Variants in WWOX observed in about 807,000 individuals in gnomAD.
The protein encoded by WWOX is WW domain-containing oxidoreductase.
Under a neutral mutation model 46.2 loss-of-function variants are expected in WWOX, and 69 were observed. The observed-to-expected ratio is 1.49, with a 90% CI of 1.23 to 1.82. The LOEUF is 1.82. WWOX is among the 40% of genes most tolerant of loss of function. The probability of loss-of-function intolerance (pLI) is 0.00; values close to 1 mark genes in which losing one functional copy is unlikely to be tolerated. For missense variants in WWOX, 919 were observed against 542.6 expected, an observed-to-expected ratio of 1.69 and a Z score of -6.89; for synonymous variants, 359 against 202.6, an observed-to-expected ratio of 1.77 and a Z score of -6.56.
intron 4 of WWOX, among the ~76,000 whole-genome samples, chr16:78,133,022 C>G (rs188252325): frequency 6.6e-6 from 1 of 152,200 alleles, no homozygotes; most frequent in East Asian, 1.9e-4. Context: ...TTTGGATCTA[C>G]AAATTCCAAG....
chr16:78,395,879 T>G (rs915097570), intron 6 of WWOX, among the ~76,000 whole-genome samples: 13 of 152,210 alleles, frequency 8.5e-5, no homozygotes, highest in Non-Finnish European at 1.5e-4. Flanking sequence ...AGATTCCATT[T>G]TCTTTGACAT....
At chr16:79,126,476 G>A (rs1281048312) in intron 8 of WWOX, among the ~76,000 whole-genome samples, 1 of 152,148 alleles carries the variant, frequency 6.6e-6, no homozygotes, top group Non-Finnish European at 1.5e-5. Context: ...GGCTTTGTAA[G>A]TGTTTGGTAG....
rs544036489 is a variant in WWOX, at chr16:78,224,255, G to A, written c.516+59966G>A. 4.9e-4 allele frequency among the ~76,000 whole-genome samples: 75 copies of A among 152,026 alleles called. 2 individuals carry two copies. Among genetic ancestry groups the A allele is most frequent in the Non-Finnish European group, 2.4e-4 (16 of 67,976 alleles). On this transcript the variant is annotated intron_variant, in intron 5 of 8. Coordinates refer to ENST00000566780, the MANE Select transcript of WWOX (RefSeq NM_016373.4). ...CCTGACCTCGTGATCCGCCTGCCTC[G>A]GCCTCCCAAAGTGCTGGGATTACAG...
At chr16:78,153,629 C>T (rs1047404915) in intron 4 of WWOX, among the ~76,000 whole-genome samples, 1 of 152,080 alleles carries the variant, frequency 6.6e-6, no homozygotes, top group African/African-American at 2.4e-5. Flanking sequence ...GGCTGGAAAT[C>T]ACCATCTCTG....
At chr16:78,206,425 C>G (rs1031659878) in intron 5 of WWOX, among the ~76,000 whole-genome samples, 1 of 152,066 alleles carries the variant, frequency 6.6e-6, no homozygotes, top group Admixed American at 6.5e-5. Flanking sequence ...TTTAGGGTTT[C>G]TAAGATTAGG....
At chr16:78,887,468 A>AACACACACAC (rs78503110) in intron 8 of WWOX, among the ~76,000 whole-genome samples, 1 of 135,956 alleles carries the variant, frequency 7.4e-6, no homozygotes, top group African/African-American at 2.9e-5. Context: ...AAGTATATAA[A>AACACACACAC]ACACACACAC....
intron 8 of WWOX, among the ~76,000 whole-genome samples, chr16:78,655,950 C>T (rs766851141): frequency 2.0e-5 from 3 of 152,086 alleles, no homozygotes; most frequent in Non-Finnish European, 4.4e-5. Flanking sequence ...CCACAATGCA[C>T]AGCCTGGGGA....
chr16:78,166,546 T>C (rs915392250), intron 5 of WWOX, among the ~76,000 whole-genome samples: 1 of 151,374 alleles, frequency 6.6e-6, no homozygotes, highest in Non-Finnish European at 1.5e-5. Context: ...TTCTTTTTTC[T>C]TTTTTTTCTT....
intron 8 of WWOX, among the ~76,000 whole-genome samples, chr16:78,815,158 C>T (rs1203394365): frequency 1.3e-5 from 2 of 152,070 alleles, no homozygotes; most frequent in African/African-American, 4.8e-5. Context: ...AAACCCATCT[C>T]TACTAAAAAT....
intron 8 of WWOX, among the ~76,000 whole-genome samples, chr16:78,672,916 C>T (rs1202388574): frequency 2.0e-5 from 3 of 152,324 alleles, no homozygotes; most frequent in South Asian, 2.1e-4. Flanking sequence ...CTGTGCCTTC[C>T]TCCTTCGTCT....
chr16:78,758,756 G>A (rs112921401), intron 8 of WWOX, among the ~76,000 whole-genome samples: 117 of 152,188 alleles, frequency 7.7e-4, no homozygotes, highest in African/African-American at 2.7e-3. Flanking sequence ...ACTCACTGGG[G>A]TGGTGAGAAG....
intron 8 of WWOX, among the ~76,000 whole-genome samples, chr16:78,523,070 C>T (rs1265636104): frequency 1.3e-5 from 2 of 151,762 alleles, no homozygotes; most frequent in African/African-American, 4.8e-5. Context: ...AAACCCATCC[C>T]CCAAAAAAAT....
intron 8 of WWOX, among the ~76,000 whole-genome samples, chr16:79,170,180 A>T (rs962833178): frequency 6.6e-6 from 1 of 152,210 alleles, no homozygotes; most frequent in Non-Finnish European, 1.5e-5. Context: ...TCCAGTGGAA[A>T]TGATTCCCGG....
chr16:78,177,561 A>C (rs998866596), intron 5 of WWOX, among the ~76,000 whole-genome samples: 1 of 152,138 alleles, frequency 6.6e-6, no homozygotes, highest in African/African-American at 2.4e-5. Flanking sequence ...ACAGAGTGTA[A>C]GTAGTTTGTC....
intron 8 of WWOX, among the ~76,000 whole-genome samples, chr16:78,786,243 C>T (rs987998731): frequency 5.9e-5 from 9 of 152,114 alleles, no homozygotes; most frequent in Non-Finnish European, 1.2e-4. Flanking sequence ...TTTCTTAAGT[C>T]GAGACAATCA....
intron 8 of WWOX, among the ~76,000 whole-genome samples, chr16:79,040,316 C>G (rs1490468323): frequency 6.7e-6 from 1 of 149,492 alleles, no homozygotes; most frequent in African/African-American, 2.5e-5. Context: ...ATTCTGTTGC[C>G]CAGACTGGAG....
chr16:78,200,553 T>C (rs1436647341), intron 5 of WWOX, among the ~76,000 whole-genome samples: 2 of 151,116 alleles, frequency 1.3e-5, no homozygotes, highest in East Asian at 1.9e-4. Flanking sequence ...AAATTTTTAA[T>C]ATCATCATTA....
chr16:78,285,290 T>G (rs2079748602), intron 5 of WWOX, among the ~76,000 whole-genome samples: 1 of 151,664 alleles, frequency 6.6e-6, no homozygotes, highest in Admixed American at 6.6e-5. Context: ...GAAAACAAAA[T>G]TAACCGGGCT....
chr16:78,920,724 C>G (rs914323626), intron 8 of WWOX, among the ~76,000 whole-genome samples: 3 of 152,046 alleles, frequency 2.0e-5, no homozygotes, highest in African/African-American at 4.8e-5. Context: ...AAAGTGTGAC[C>G]TACTTTTTAT....
Sources: allele counts gnomAD v4.1 joint callset (sites outside exome capture counted in the v4.1 genomes callset), GRCh38; gene constraint gnomAD v4.1.1; transcripts MANE v1.5; gene names NCBI Gene and HGNC (gene_info 2026-07-23, HGNC 2026-07-21).